Variants in RFX3 observed in about 807,000 individuals in gnomAD.
RFX3 encodes the protein transcription factor RFX3.
Under a neutral mutation model 98.6 loss-of-function variants are expected in RFX3, and 14 were observed. That is an observed-to-expected ratio of 0.14 (90% CI 0.09 to 0.22). The LOEUF (loss-of-function observed/expected upper bound fraction) is 0.22. Among genes scored for constraint, RFX3 ranks in the 10% least tolerant of loss-of-function variants. The pLI is 1.00. For missense variants in RFX3, 639 were observed against 926.9 expected, an observed-to-expected ratio of 0.69 and a Z score of 4.03; for synonymous variants, 383 against 328.4, an observed-to-expected ratio of 1.17 and a Z score of -1.80.
In RFX3 at chr9:3,220,807, T is replaced by A. The variant is rs1009805011; in HGVS notation, c.*4235A>T. On this transcript the variant is annotated 3_prime_UTR_variant, in exon 17 of 17. Transcript: ENST00000617270. ...CAAAGGGGTTTTCTAATACTAGAAC[T>A]AAGCACTGAATTAATGCTTCTATTC... 3.9e-5 allele frequency: 6 copies of A among 152,172 alleles called. No individual in the cohort carries two copies. Among genetic ancestry groups the A allele is most frequent in the African/African-American group, 1.4e-4 (6 of 41,436 alleles). 9.4% of individuals were successfully genotyped at this position (152,172 alleles called of 1,614,324 possible).
In RFX3 at chr9:3,395,607, T is replaced by C; in HGVS notation, c.-8-11A>G. ...TCTGCATGATGGTCTCTGAAATAGA[T>C]TAAAATGAAATTAAAGTTTAAAATG... On this transcript the variant is annotated splice_polypyrimidine_tract_variant and intron_variant, in intron 1 of 16. Coordinates refer to ENST00000617270, the MANE Select transcript of RFX3 (RefSeq NM_001282116.2). 4 of 1,611,192 alleles carry C rather than the reference T, an allele frequency of 2.5e-6. No homozygotes were observed. Among genetic ancestry groups the C allele is most frequent in the Non-Finnish European group, 3.4e-6 (4 of 1,177,732 alleles).
intron 1 of RFX3, among the ~76,000 whole-genome samples, chr9:3,398,268 T>G (rs371892536): frequency 3.1e-4 from 47 of 152,212 alleles, no homozygotes; most frequent in African/African-American, 9.9e-4. Context: ...TTCTCAAAAT[T>G]TGGGGAGAGA....
At chr9:3,425,131 G>A (rs951411451) in intron 1 of RFX3, among the ~76,000 whole-genome samples, 1 of 152,184 alleles carries the variant, frequency 6.6e-6, no homozygotes, top group Non-Finnish European at 1.5e-5. Flanking sequence ...CCAGCTACTT[G>A]GGAGGCTAAA....
At chr9:3,337,542 C>T (rs958661389) in intron 3 of RFX3, among the ~76,000 whole-genome samples, 2 of 152,152 alleles carry the variant, frequency 1.3e-5, no homozygotes, top group South Asian at 2.1e-4. Flanking sequence ...AATGGTGACA[C>T]ACTGTAAGAG....
intron 1 of RFX3, among the ~76,000 whole-genome samples, chr9:3,461,893 A>G (rs1318045814): frequency 6.6e-6 from 1 of 152,000 alleles, no homozygotes; most frequent in Non-Finnish European, 1.5e-5. Flanking sequence ...CATACAAATA[A>G]TCATTTGGAG....
chr9:3,438,919 T>C (rs531534847), intron 1 of RFX3, among the ~76,000 whole-genome samples: 1 of 152,102 alleles, frequency 6.6e-6, no homozygotes, highest in South Asian at 2.1e-4. Flanking sequence ...ATTTATAATA[T>C]TCTGGCCATA....
intron 1 of RFX3, among the ~76,000 whole-genome samples, chr9:3,409,610 T>A (rs2132145213): frequency 6.6e-6 from 1 of 152,316 alleles, no homozygotes; most frequent in Non-Finnish European, 1.5e-5. Context: ...AGAAAACTGG[T>A]CATTAGACAA....
intron 1 of RFX3, among the ~76,000 whole-genome samples, chr9:3,433,685 A>T (rs1844861922): frequency 6.6e-6 from 1 of 152,202 alleles, no homozygotes; most frequent in African/African-American, 2.4e-5. Flanking sequence ...TGTTTTTCAG[A>T]ACTGTTCAAA....
At chr9:3,468,528 C>T (rs905030148) in intron 1 of RFX3, among the ~76,000 whole-genome samples, 1 of 152,112 alleles carries the variant, frequency 6.6e-6, no homozygotes, top group Non-Finnish European at 1.5e-5. Flanking sequence ...TCCCTTTTGC[C>T]ACGCAAATAT....
intron 1 of RFX3, among the ~76,000 whole-genome samples, chr9:3,500,465 T>C (rs1203248738): frequency 1.3e-5 from 2 of 152,168 alleles, no homozygotes; most frequent in Non-Finnish European, 2.9e-5. Context: ...TTCATCCTTC[T>C]TAAAACAAAT....
intron 15 of RFX3, among the ~76,000 whole-genome samples, chr9:3,244,420 T>C (rs1008743975): frequency 1.3e-5 from 2 of 152,334 alleles, no homozygotes; most frequent in South Asian, 2.1e-4. Flanking sequence ...ACAACTGCTA[T>C]GTAGGTGTTA....
intron 2 of RFX3, among the ~76,000 whole-genome samples, chr9:3,353,200 G>A (rs2131274482): frequency 6.8e-6 from 1 of 146,952 alleles, no homozygotes; most frequent in Non-Finnish European, 1.5e-5. Flanking sequence ...ACTGTTGTGG[G>A]GTAGGGGGAG....
In RFX3 at chr9:3,412,852, T is replaced by G. The variant is rs149879957; in HGVS notation, c.-8-17256A>C. Among the ~76,000 whole-genome samples the G allele has an allele frequency of 3.6e-4, 55 of 152,254 alleles. No individual in the cohort carries two copies. The East Asian group carries it at 9.3e-3, about 26-fold the overall frequency. On this transcript the variant is annotated intron_variant, in intron 1 of 16. Transcript: ENST00000617270. ...TGGTAAATTCATGTTTCTTCCAAAT[T>G]GAATATTAATAAAGCTACCACCAAT...
chr9:3,456,501 C>T (rs1410028610), intron 1 of RFX3, among the ~76,000 whole-genome samples: 2 of 152,166 alleles, frequency 1.3e-5, no homozygotes, highest in African/African-American at 4.8e-5. Flanking sequence ...ATGTGATGTG[C>T]CTGTTTAATT....
chr9:3,406,623 A>T (rs893982548), intron 1 of RFX3, among the ~76,000 whole-genome samples: 8 of 152,156 alleles, frequency 5.3e-5, no homozygotes, highest in South Asian at 2.1e-4. Context: ...TTGAAAGAAC[A>T]ATCTCCAAAG....
At chr9:3,357,076 T>A (rs1835864987) in intron 2 of RFX3, among the ~76,000 whole-genome samples, 1 of 151,798 alleles carries the variant, frequency 6.6e-6, no homozygotes, top group Non-Finnish European at 1.5e-5. Context: ...TATTTAATAG[T>A]AGGAGACAGA....
intron 1 of RFX3, among the ~76,000 whole-genome samples, chr9:3,443,206 A>G (rs751982532): frequency 4.6e-5 from 7 of 152,218 alleles, no homozygotes; most frequent in Non-Finnish European, 5.9e-5. Flanking sequence ...ATTTTCTTCA[A>G]CTTTTAAGTT....
chr9:3,397,135 C>T (rs1253394698), intron 1 of RFX3, among the ~76,000 whole-genome samples: 3 of 152,156 alleles, frequency 2.0e-5, no homozygotes, highest in East Asian at 1.9e-4. Context: ...AAACATGCCA[C>T]GTTTCTCAGT....
chr9:3,337,621 C>T (rs1191096204), intron 3 of RFX3, among the ~76,000 whole-genome samples: 1 of 152,144 alleles, frequency 6.6e-6, no homozygotes, highest in Non-Finnish European at 1.5e-5. Flanking sequence ...CAATGGCAGA[C>T]AGTCTTTGGG....
Sources: gnomAD v4.1 joint callset for allele counts (sites outside exome capture counted in the v4.1 genomes callset) on GRCh38, gnomAD v4.1.1 for gene constraint, MANE v1.5 for transcripts, NCBI Gene and HGNC (gene_info 2026-07-23, HGNC 2026-07-21) for gene names.